RPS24: variants seen among roughly 807,000 people sequenced by gnomAD.
RPS24 encodes small ribosomal subunit protein eS24.
For missense variants in RPS24, 100 were observed against 162.5 expected, an observed-to-expected ratio of 0.62 and a Z score of 2.09; for synonymous variants, 72 against 55.6, an observed-to-expected ratio of 1.30 and a Z score of -1.31.
chr10:78,055,164 C>T (rs1247207476), exon 5 of RPS24: 1 of 1,263,090 alleles, frequency 7.9e-7, no homozygotes, highest in Non-Finnish European at 1.0e-6. Flanking sequence ...TCTCTCTCAC[C>T]CAAATGCCAA....
downstream of RPS24, among the ~76,000 whole-genome samples, chr10:78,042,021 G>A (rs1033795699): frequency 6.6e-6 from 1 of 152,176 alleles, no homozygotes; most frequent in Non-Finnish European, 1.5e-5. Context: ...GGATCCACTT[G>A]GGTTGTGATA....
chr10:78,034,831 T>C (rs943846421), intron 1 of RPS24, among the ~76,000 whole-genome samples: 4 of 152,206 alleles, frequency 2.6e-5, no homozygotes, highest in African/African-American at 9.7e-5. Flanking sequence ...ACACAGTTCA[T>C]TGAGTGACCT....
At chr10:78,052,585 G>T (rs970647296) in intron 4 of RPS24, among the ~76,000 whole-genome samples, 8 of 152,154 alleles carry the variant, frequency 5.3e-5, no homozygotes, top group African/African-American at 1.9e-4. Flanking sequence ...GCGAAGGCAC[G>T]GCAGGTTCTG....
chr10:78,053,936 G>A (rs117144066), intron 4 of RPS24, among the ~76,000 whole-genome samples: 9,222 of 152,200 alleles, frequency 0.061, 413 homozygotes, highest in Non-Finnish European at 0.084. Flanking sequence ...TGGTCTGGAG[G>A]AAGCAGTATG....
At chr10:78,045,347 T>G (rs891955799), downstream of RPS24, among the ~76,000 whole-genome samples, 36 of 152,266 alleles carry the variant, frequency 2.4e-4, no homozygotes, top group Non-Finnish European at 3.5e-4. Flanking sequence ...CAGTTCCTGA[T>G]CTCCACTCAG....
At chr10:78,044,894 C>T (rs1290326685), downstream of RPS24, among the ~76,000 whole-genome samples, 1 of 151,850 alleles carries the variant, frequency 6.6e-6, no homozygotes, top group African/African-American at 2.4e-5. Flanking sequence ...TTCCTCCACA[C>T]AGGAAATACT....
Position 78,038,057 on chromosome 10 carries a change from G to A in RPS24, c.390+753G>A. On this transcript the variant is annotated intron_variant, in intron 4 of 5. Transcript: ENST00000372360. The stretch of plus-strand genomic sequence containing the variant: ...TGCTTTGATGATGCTTTGCATGTTG[G>A]CCTTTGGACGACAGTTTTATAGTAT... 4 of 916,354 alleles carry A rather than the reference G, an allele frequency of 4.4e-6. No homozygotes were observed. The South Asian group carries it at 6.0e-5, about 14-fold the overall frequency. The allele number at this position is 916,354 out of a possible 1,614,324, so 56.8% of individuals were successfully genotyped here.
chr10:78,052,237 G>T (rs1287340623), intron 4 of RPS24, among the ~76,000 whole-genome samples: 1 of 152,020 alleles, frequency 6.6e-6, no homozygotes, highest in Non-Finnish European at 1.5e-5. Context: ...TGTTGGCCAG[G>T]CTGGTCTCGG....
At chr10:78,040,429 T>C (rs1847968244) in intron 5 of RPS24, 186 bp from the exon 6 acceptor site, 12 of 716,370 alleles carry the variant, frequency 1.7e-5, no homozygotes, top group Middle Eastern at 6.8e-4. Context: ...TTTTGTTTTA[T>C]TCTTAACTTG....
intron 4 of RPS24, among the ~76,000 whole-genome samples, chr10:78,046,227 A>G (rs2131990000): frequency 6.6e-6 from 1 of 152,272 alleles, no homozygotes; most frequent in South Asian, 2.1e-4. Context: ...CTCTGCCCTC[A>G]AGAAGCTGGC....
rs144135259 is a variant in RPS24, at chr10:78,039,986, A to G, written c.391-218A>G. ...CGGCTACCTCGTTTGCATAAGAACTACAGTAATCAGGCAAGGCATTGTCAG... is the reference window on the plus strand; with the variant it reads ...CGGCTACCTCGTTTGCATAAGAACTGCAGTAATCAGGCAAGGCATTGTCAG... On this transcript the variant is annotated intron_variant, in intron 4 of 5. Coordinates refer to ENST00000372360, the MANE Select transcript of RPS24 (RefSeq NM_033022.4). The G allele has an allele frequency of 5.1e-4, 328 of 640,208 alleles. 1 individual carries two copies. The East Asian group carries it at 8.3e-3, about 16-fold the overall frequency. The allele number at this position is 640,208 out of a possible 1,614,324, so 39.7% of individuals were successfully genotyped here. A position where few individuals can be genotyped will look rare whatever the true frequency, so the allele number is the denominator to read the frequency against.
chr10:78,045,968 C>T (rs1482203993), intron 4 of RPS24, among the ~76,000 whole-genome samples: 1 of 152,088 alleles, frequency 6.6e-6, no homozygotes, highest in Admixed American at 6.5e-5. Context: ...TGCCACTGCA[C>T]TCCAGCCTGG....
intron 4 of RPS24, chr10:78,037,934 T>C (rs1589328949): frequency 1.9e-6 from 1 of 520,064 alleles, no homozygotes. Context: ...TTGCTTTTCC[T>C]CTCTACTTTC....
downstream of RPS24, among the ~76,000 whole-genome samples, chr10:78,040,911 C>T (rs563680886): frequency 2.5e-4 from 38 of 152,068 alleles, no homozygotes; most frequent in African/African-American, 8.9e-4. Context: ...ACCATGTCCG[C>T]GGTGGACGCA....
chr10:78,035,001 A>G (rs1847831278), intron 1 of RPS24, among the ~76,000 whole-genome samples: 1 of 152,124 alleles, frequency 6.6e-6, no homozygotes, highest in African/African-American at 2.4e-5. Flanking sequence ...GAGGGCTGGG[A>G]TTTTTATAGT....
chr10:78,037,169 C>T (rs375549071), intron 3 of RPS24, 25 bp from the exon 4 acceptor site: 451 of 1,584,766 alleles, frequency 2.8e-4, no homozygotes, highest in Non-Finnish European at 3.5e-4. Flanking sequence ...TACAAGTCAC[C>T]TGGATGTACT....
intron 3 of RPS24, 31 bp from the exon 4 acceptor site, chr10:78,037,163 A>T: frequency 6.3e-7 from 1 of 1,579,492 alleles, no homozygotes. Flanking sequence ...AATGTTTACA[A>T]GTCACCTGGA....
At chr10:78,054,730 G>A (rs1422513377) in exon 5 of RPS24, 29 of 1,551,692 alleles carry the variant, frequency 1.9e-5, no homozygotes, top group Non-Finnish European at 2.4e-5. Context: ...GTTACCTGGA[G>A]GAAGACTGAA....
intron 4 of RPS24, chr10:78,049,107 T>C (rs1019868798): frequency 1.3e-5 from 2 of 152,170 alleles, no homozygotes; most frequent in Non-Finnish European, 2.9e-5. Context: ...CCCCAAGTCC[T>C]TCAGCTCATT....
Sources: gnomAD v4.1 joint callset for allele counts (sites outside exome capture counted in the v4.1 genomes callset) on GRCh38, gnomAD v4.1.1 for gene constraint, MANE v1.5 for transcripts, NCBI Gene and HGNC (gene_info 2026-07-23, HGNC 2026-07-21) for gene names.